The following EEIG1 variants were observed in gnomAD, a reference collection of about 807,000 sequenced individuals.
EEIG1 encodes early estrogen-induced gene 1 protein.
chr9:127,944,752 C>A, the EEIG1 span: 1 of 1,611,092 alleles, frequency 6.2e-7, no homozygotes, highest in African/African-American at 1.3e-5. Flanking sequence ...GGTGGCCTCG[C>A]CCCCACCAGC....
the EEIG1 span, among the ~76,000 whole-genome samples, chr9:127,979,666 C>T: frequency 6.6e-5 from 10 of 152,258 alleles, no homozygotes; most frequent in Non-Finnish European, 1.5e-4. Flanking sequence ...GCAAGGTGGC[C>T]TGAACACCCC....
the EEIG1 span, among the ~76,000 whole-genome samples, chr9:127,970,180 C>T: frequency 1.3e-5 from 2 of 152,098 alleles, no homozygotes. Context: ...GTGGCGCGAT[C>T]TCCGCACGCT....
At chr9:127,964,297 C>T in the EEIG1 span, among the ~76,000 whole-genome samples, 2 of 152,234 alleles carry the variant, frequency 1.3e-5, no homozygotes, top group African/African-American at 4.8e-5. Context: ...TCTGTGGTCC[C>T]GAGGTCAGTT....
At chr9:127,951,141 C>T in the EEIG1 span, among the ~76,000 whole-genome samples, 22 of 152,058 alleles carry the variant, frequency 1.4e-4, no homozygotes, top group African/African-American at 4.6e-4. Flanking sequence ...AGAGGGCATG[C>T]GCTAAGAAGG....
the EEIG1 span, among the ~76,000 whole-genome samples, chr9:127,968,724 G>A: frequency 6.6e-6 from 1 of 152,182 alleles, no homozygotes; most frequent in African/African-American, 2.4e-5. Context: ...GTGACCAGGA[G>A]ATAATTGTGA....
the EEIG1 span, chr9:127,950,489 C>G: frequency 6.2e-7 from 1 of 1,613,990 alleles, no homozygotes; most frequent in Non-Finnish European, 8.5e-7. Context: ...AGCAGCGCAC[C>G]GTGGAGCCCG....
chr9:127,964,202 T>A, the EEIG1 span, among the ~76,000 whole-genome samples: 1 of 152,156 alleles, frequency 6.6e-6, no homozygotes. Flanking sequence ...GACTTACCCA[T>A]CACATGGGGC....
chr9:127,952,725 T>TA, the EEIG1 span, among the ~76,000 whole-genome samples: 1 of 152,148 alleles, frequency 6.6e-6, no homozygotes, highest in Non-Finnish European at 1.5e-5. Context: ...TTTATTTATT[T>TA]ATCTGGAGGC....
the EEIG1 span, among the ~76,000 whole-genome samples, chr9:127,968,038 G>A: frequency 1.6e-5 from 2 of 128,650 alleles, no homozygotes; most frequent in Non-Finnish European, 1.6e-5. Flanking sequence ...GGGCTCAAAT[G>A]ATCCTCCTGC....
At chr9:127,945,316 C>A in the EEIG1 span, 1 of 1,384,030 alleles carries the variant, frequency 7.2e-7, no homozygotes, top group South Asian at 1.4e-5. The surrounding 1 kb of genome is among the most constrained non-coding windows in gnomAD (Gnocchi z 6.5). Context: ...AGGTTCAAGG[C>A]ACCACCGGGA....
chr9:127,949,492 C>T, the EEIG1 span, among the ~76,000 whole-genome samples: 1 of 152,126 alleles, frequency 6.6e-6, no homozygotes, highest in Admixed American at 6.6e-5. Flanking sequence ...TCCCTTGAAC[C>T]CAAGGCTACC....
the EEIG1 span, chr9:127,943,071 T>C: frequency 1.2e-6 from 1 of 868,772 alleles, no homozygotes; most frequent in Non-Finnish European, 1.9e-6. Context: ...CTGGAGTGCA[T>C]GGAGGAGGCA....
At chr9:127,957,838 C>T in the EEIG1 span, among the ~76,000 whole-genome samples, 4 of 152,172 alleles carry the variant, frequency 2.6e-5, no homozygotes, top group African/African-American at 9.7e-5. Context: ...CATGGCAAAA[C>T]CCCATCTCTA....
chr9:127,947,983 C>T, the EEIG1 span: 1 of 1,438,410 alleles, frequency 7.0e-7, no homozygotes, highest in Non-Finnish European at 9.5e-7. Flanking sequence ...TCCCCTCAGT[C>T]AGCGTCTCCC....
chr9:127,976,860 G>T, the EEIG1 span, among the ~76,000 whole-genome samples: 1 of 152,094 alleles, frequency 6.6e-6, no homozygotes, highest in Non-Finnish European at 1.5e-5. This position sits in a 1 kb window ranked among gnomAD's most constrained non-coding sequence, Gnocchi z 4.1. Flanking sequence ...GGGGGTGGGG[G>T]AAATATGCTA....
chr9:127,943,175 G>A, the EEIG1 span: 4 of 1,613,720 alleles, frequency 2.5e-6, no homozygotes, highest in Non-Finnish European at 2.5e-6. Context: ...CTCTTCTCCA[G>A]CCCGGACACC....
chr9:127,974,269 TCTC>T, the EEIG1 span, among the ~76,000 whole-genome samples: 1 of 152,006 alleles, frequency 6.6e-6, no homozygotes, highest in Non-Finnish European at 1.5e-5. Flanking sequence ...CCCTGAACCT[TCTC>T]CACCTGGCAA....
At chr9:127,973,685 G>T in the EEIG1 span, among the ~76,000 whole-genome samples, 1 of 152,314 alleles carries the variant, frequency 6.6e-6, no homozygotes. This position sits in a 1 kb window ranked among gnomAD's most constrained non-coding sequence, Gnocchi z 4.2. Context: ...ACCAGCAGAT[G>T]GCCTGGTACC....
chr9:127,942,716 C>A, the EEIG1 span: 1 of 169,026 alleles, frequency 5.9e-6, no homozygotes, highest in Non-Finnish European at 1.3e-5. Context: ...CCCCCACCAC[C>A]AGGGCAAGGG....
Sources: allele counts gnomAD v4.1 joint callset (sites outside exome capture counted in the v4.1 genomes callset), GRCh38; gene constraint gnomAD v4.1.1; non-coding constraint Gnocchi (gnomAD v3.1); transcripts MANE v1.5; gene names NCBI Gene and HGNC (gene_info 2026-07-23, HGNC 2026-07-21).